The following SOX6 variants were observed in gnomAD, a reference collection of about 807,000 sequenced individuals.
SOX6 encodes SRY-box transcription factor 6.
A neutral mutation model predicts 97.8 loss-of-function variants in SOX6; 11 were observed. The ratio of observed to expected loss-of-function variants is 0.11; its 90% confidence interval spans 0.07 to 0.19. The LOEUF is 0.19. SOX6 is among the 10% of genes least tolerant of loss of function. The probability of loss-of-function intolerance (pLI) is 1.00; values close to 1 mark genes in which losing one functional copy is unlikely to be tolerated. For missense variants in SOX6, 810 were observed against 1,039.5 expected (o/e 0.78, Z 3.04); for synonymous variants, 360 against 371.4 (o/e 0.97, Z 0.35).
At chr11:16,480,001 T>C (rs1860315337), upstream of SOX6, among the ~76,000 whole-genome samples, 1 of 152,082 alleles carries the variant, frequency 6.6e-6, no homozygotes. Context: ...AACACTACTC[T>C]GTAATTATTA....
chr11:16,294,128 T>G (rs1293118944), intron 3 of SOX6, among the ~76,000 whole-genome samples: 2 of 152,044 alleles, frequency 1.3e-5, no homozygotes, highest in East Asian at 3.9e-4. Flanking sequence ...CTTTCTTAAA[T>G]GATTTTCAAA....
chr11:16,623,227 G>A (rs779445018), intron 3 of SOX6, among the ~76,000 whole-genome samples: 1 of 152,002 alleles, frequency 6.6e-6, no homozygotes, highest in Non-Finnish European at 1.5e-5. Context: ...CACCATGTTG[G>A]TCAGACTAGT....
intron 4 of SOX6, among the ~76,000 whole-genome samples, chr11:16,513,359 A>T (rs565602813): frequency 6.6e-6 from 1 of 152,254 alleles, no homozygotes; most frequent in Non-Finnish European, 1.5e-5. Context: ...GGGGCCGGGC[A>T]CAGTGGCTCA....
At chr11:16,495,523 C>CCCAA (rs1457893047) in intron 4 of SOX6, among the ~76,000 whole-genome samples, 2 of 152,176 alleles carry the variant, frequency 1.3e-5, no homozygotes, top group East Asian at 3.9e-4. Flanking sequence ...GACAAGCTTA[C>CCCAA]CCAATCTACC....
chr11:16,544,021 A>G (rs1847584762), intron 4 of SOX6, among the ~76,000 whole-genome samples: 1 of 152,200 alleles, frequency 6.6e-6, no homozygotes, highest in African/African-American at 2.4e-5. Flanking sequence ...GAGCTACACA[A>G]TGAAATAGTA....
At chr11:16,186,735 T>C (rs1851488049) in intron 5 of SOX6, 48 bp downstream of exon 5, 1 of 1,597,160 alleles carries the variant, frequency 6.3e-7, no homozygotes. Flanking sequence ...TCTCTGAGCC[T>C]GGCACATTCC....
intron 6 of SOX6, among the ~76,000 whole-genome samples, chr11:16,114,827 G>T (rs1372976203): frequency 7.1e-6 from 1 of 140,730 alleles, no homozygotes; most frequent in African/African-American, 2.4e-5. Context: ...TTTTATATTG[G>T]TCGCCCAAGC....
chr11:16,396,022 T>C (rs1029628277), intron 1 of SOX6, among the ~76,000 whole-genome samples: 2 of 143,518 alleles, frequency 1.4e-5, no homozygotes, highest in African/African-American at 5.1e-5. Flanking sequence ...TCTTTCAATT[T>C]TGAGAAATTC....
At position 16,341,220 on chromosome 11, in the gene SOX6, A is replaced by G. The variant is rs1407984611; in HGVS notation, c.29T>C (p.Phe10Ser). 3.7e-6 allele frequency: 6 copies of G among 1,613,278 alleles called. No homozygotes were observed. The change falls in exon 2 of 16, where the codon TTT becomes TCT. Residue 10 changes from phenylalanine (F) to serine (S), a missense_variant. This residue lies in a region of SOX6 where 100 missense variants were observed against 94.6 expected (regional missense o/e 1.06). Coordinates refer to ENST00000683767, the MANE Select transcript of SOX6 (RefSeq NM_001367873.1). ...ATCCTCTCCATCAGCTGCACAGGCA[A>G]ATGGAGAGGTGGCTTGCTTGGAAGA... MSSKQATSPFACAADGEDAM... is the reference protein window; with the variant it reads MSSKQATSPSACAADGEDAM...
chr11:16,578,495 C>T (rs1035655266), intron 4 of SOX6, among the ~76,000 whole-genome samples: 3 of 152,006 alleles, frequency 2.0e-5, no homozygotes, highest in Admixed American at 2.0e-4. Flanking sequence ...AAAGATTGGG[C>T]TAGATTGTGT....
At chr11:16,391,066 G>A (rs1053516994) in intron 1 of SOX6, among the ~76,000 whole-genome samples, 5 of 152,150 alleles carry the variant, frequency 3.3e-5, no homozygotes, top group South Asian at 2.1e-4. Flanking sequence ...GCTGGAAACC[G>A]TCATTCTCAG....
At chr11:16,224,222 C>G (rs949971694) in intron 4 of SOX6, among the ~76,000 whole-genome samples, 7 of 151,900 alleles carry the variant, frequency 4.6e-5, no homozygotes, top group Non-Finnish European at 8.8e-5. Flanking sequence ...GTTTCAGATT[C>G]TTTTTCAGTG....
At chr11:16,079,350 T>A (rs1351299437) in intron 9 of SOX6, among the ~76,000 whole-genome samples, 1 of 152,190 alleles carries the variant, frequency 6.6e-6, no homozygotes, top group African/African-American at 2.4e-5. Context: ...AAGGAAAGTA[T>A]AAGATTATTC....
At chr11:16,647,513 C>A (rs542349728) in intron 3 of SOX6, among the ~76,000 whole-genome samples, 10 of 152,182 alleles carry the variant, frequency 6.6e-5, no homozygotes, top group Non-Finnish European at 1.5e-4. Context: ...ACAGGGCTAA[C>A]GTGCAGCTCC....
At chr11:16,232,746 C>T (rs1852897647) in intron 4 of SOX6, among the ~76,000 whole-genome samples, 1 of 152,048 alleles carries the variant, frequency 6.6e-6, no homozygotes, top group South Asian at 2.1e-4. Context: ...CATTTCTGTT[C>T]TCACTGTTAT....
At chr11:16,230,721 ATAAACTT>A (rs951364007) in intron 4 of SOX6, among the ~76,000 whole-genome samples, 12 of 151,780 alleles carry the variant, frequency 7.9e-5, no homozygotes, top group African/African-American at 2.9e-4. Context: ...TAAATTAAAG[ATAAACTT>A]TAAAGAAGTA....
At chr11:16,647,499 G>A (rs1472675751) in intron 3 of SOX6, among the ~76,000 whole-genome samples, 1 of 152,184 alleles carries the variant, frequency 6.6e-6, no homozygotes, top group African/African-American at 2.4e-5. Flanking sequence ...ATGGCATATA[G>A]GAGACAGGGC....
chr11:15,984,458 A>G (rs1383837741), intron 15 of SOX6, among the ~76,000 whole-genome samples: 1 of 152,174 alleles, frequency 6.6e-6, no homozygotes, highest in African/African-American at 2.4e-5. Flanking sequence ...TAAACTTTGG[A>G]TTGTTCAAAA....
chr11:16,570,824 C>A (rs776206769), intron 4 of SOX6, among the ~76,000 whole-genome samples: 1 of 152,012 alleles, frequency 6.6e-6, no homozygotes. Context: ...ACTATATGTA[C>A]CCTGTTTGTA....
Sources: gnomAD v4.1 joint callset for allele counts (sites outside exome capture counted in the v4.1 genomes callset) on GRCh38, gnomAD v4.1.1 for gene constraint, gnomAD v4.1.1 regional missense constraint, MANE v1.5 for transcripts, NCBI Gene and HGNC (gene_info 2026-07-23, HGNC 2026-07-21) for gene names.